The following PIEZO1 variants were observed in gnomAD, a reference collection of about 807,000 sequenced individuals.
The protein encoded by PIEZO1 is piezo-type mechanosensitive ion channel component 1.
PIEZO1 carries 296 observed loss-of-function variants against 297.2 expected under a neutral mutation model. The observed-to-expected ratio is 1.00, with a 90% CI of 0.91 to 1.10. The LOEUF (loss-of-function observed/expected upper bound fraction) is 1.10, where lower values mean the gene tolerates loss of function less well. Among genes scored for constraint, PIEZO1 ranks in the 50% least tolerant of loss-of-function variants. PIEZO1 has a pLI of 0.00. For synonymous variants in PIEZO1, 2,427 were observed against 1,507.5 expected, an observed-to-expected ratio of 1.61 and a Z score of -14.13; for missense variants, 5,018 against 3,455.5, an observed-to-expected ratio of 1.45 and a Z score of -11.34.
At chr16:88,752,023 G>A (rs1431801659) in intron 1 of PIEZO1, among the ~76,000 whole-genome samples, 1 of 152,264 alleles carries the variant, frequency 6.6e-6, no homozygotes, top group East Asian at 1.9e-4. Context: ...TCCTGGGGAT[G>A]AAGGTCACCA....
intron 19 of PIEZO1, 67 bp downstream of exon 19, chr16:88,733,211 G>C (rs77151968): frequency 7.1e-7 from 1 of 1,407,410 alleles, no homozygotes; most frequent in African/African-American, 1.4e-5. Context: ...GCTGCCCCAG[G>C]AGGGTCGGGC....
intron 35 of PIEZO1, 28 bp downstream of exon 35, chr16:88,722,555 C>G: frequency 6.8e-7 from 1 of 1,477,618 alleles, no homozygotes; most frequent in Non-Finnish European, 9.0e-7. Flanking sequence ...GGGGCAGCAG[C>G]TGGGGCTCGG....
rs943633234 is a variant in PIEZO1, at chr16:88,721,236, C to T, written c.5598G>A (p.Thr1866=). 8.4e-6 allele frequency: 13 copies of T among 1,540,740 alleles called. No individual in the cohort carries two copies. The East Asian group carries it at 1.2e-4, about 14-fold the overall frequency. The change falls in exon 39 of 51, where the codon ACG becomes ACA. Residue 1866 remains threonine (T), a synonymous_variant. Transcript: ENST00000301015. ...EPQVELRPRD[T]RRISLRFRRR... The stretch of plus-strand genomic sequence containing the variant: ...TTCTAAAACGTAGACTGATGCGCCT[C>T]GTATCACGGGGCCTGAGCTCCACTT...
chr16:88,743,263 T>G (rs1045942279), intron 2 of PIEZO1: 2 of 456,490 alleles, frequency 4.4e-6, no homozygotes, highest in Non-Finnish European at 8.8e-6. Flanking sequence ...GGCGCACATG[T>G]GGACAGCTCA....
chr16:88,726,555 T>A lies in PIEZO1; in HGVS notation c.3788A>T (p.Tyr1263Phe). 1.3e-6 allele frequency: 2 copies of A among 1,549,936 alleles called. No individual in the cohort carries two copies. The highest frequency in any genetic ancestry group is 1.7e-6 in the Non-Finnish European group (2 of 1,146,662). ...LFSLVCTVKG[Y>F]YDPKEMMDRD... ...CCGTCCTGGCCACTCACGGTCATAG[T>A]AGCCCTTGACGGTGCATACAAGGCT... is the stretch of plus-strand genomic sequence containing the variant. The change falls in exon 26 of 51, where the codon TAC (tyrosine) becomes TTC (phenylalanine). Residue 1263 changes from tyrosine (Y) to phenylalanine (F), a missense_variant. Transcript: ENST00000301015.
intron 24 of PIEZO1, 37 bp downstream of exon 24, chr16:88,727,002 C>T: frequency 1.9e-6 from 3 of 1,548,858 alleles, no homozygotes; most frequent in Non-Finnish European, 2.6e-6. Context: ...GCCACCCCTC[C>T]CAGAAGGTTC....
chr16:88,736,042 CCTT>C, intron 12 of PIEZO1, 103 bp downstream of exon 12: 1 of 1,160,776 alleles, frequency 8.6e-7, no homozygotes, highest in East Asian at 2.6e-5. Flanking sequence ...GACACATCTG[CCTT>C]CTTGGCGCTG....
In PIEZO1 at chr16:88,732,664, C is replaced by T; in HGVS notation, c.2733G>A (p.Val911=). ...ISQSLLYRGP[V]DPANWFGVRK... ...GCACCCCAAACCAGTTGGCAGGGTC[C>T]ACGGGCCCCCGGTACAGCAGGGACT... Residue 911 remains valine (V), a synonymous_variant, in exon 20 of 51, where the codon GTG becomes GTA. Coordinates refer to ENST00000301015, the MANE Select transcript of PIEZO1 (RefSeq NM_001142864.4). 6.5e-7 allele frequency: 1 copy of T among 1,549,724 alleles called. No homozygotes were observed. Among genetic ancestry groups the T allele is most frequent in the Non-Finnish European group, 8.7e-7 (1 of 1,146,538 alleles).
Position 88,741,466 on chromosome 16 carries a change from A to G in PIEZO1, c.465+12T>C, listed in dbSNP as rs565648376. The G allele has an allele frequency of 5.2e-6, 8 of 1,531,800 alleles. No individual in the cohort carries two copies. The South Asian group carries it at 9.5e-5, about 18-fold the overall frequency. 94.9% of individuals were successfully genotyped at this position (1,531,800 alleles called of 1,614,324 possible). On this transcript the variant is annotated intron_variant, in intron 5 of 50. Transcript: ENST00000301015. ...GACCTCCCTGACACACGGGTGACGC[A>G]GCTGCCCTCACCAGCTCCCGTGGAT...
intron 1 of PIEZO1, among the ~76,000 whole-genome samples, chr16:88,751,231 G>C (rs1166566092): frequency 6.6e-6 from 1 of 152,204 alleles, no homozygotes; most frequent in South Asian, 2.1e-4. Context: ...GCGCAGGGCA[G>C]AGGGAGACCC....
chr16:88,721,705 G>C lies in PIEZO1; in HGVS notation c.5236C>G (p.Leu1746Val). The C allele has an allele frequency of 1.9e-6, 3 of 1,546,174 alleles. No individual in the cohort carries two copies. Among genetic ancestry groups the C allele is most frequent in the South Asian group, 1.2e-5 (1 of 83,944 alleles). Residue 1746 changes from leucine (L) to valine (V), a missense_variant, in exon 38 of 51, where the codon CTG becomes GTG. Leu to Val is a conservative substitution (Grantham distance 32, BLOSUM62 1). Transcript: ENST00000301015. Reference protein sequence around the residue: ...FTEIAVVVKYLFQFGFFPWNS... With the variant: ...FTEIAVVVKYVFQFGFFPWNS... ...CAGGGGAAGAACCCAAACTGGAACA[G>C]GTACTTGACGACCACCGCGATCTGT... is the stretch of plus-strand genomic sequence containing the variant.
chr16:88,734,924 T>A lies in PIEZO1; in HGVS notation c.1799A>T (p.Tyr600Phe). The A allele has an allele frequency of 6.4e-7, 1 of 1,550,402 alleles. No homozygotes were observed. Among genetic ancestry groups the A allele is most frequent in the Non-Finnish European group, 8.7e-7 (1 of 1,146,964 alleles). The part of the protein sequence containing the change: ...VVSFAGRLVV[Y>F]KIVYMFLFLL... ...GAAGAGGAACATGTAGACAATCTTG[T>A]AGACCACGAGGCGGCCGGCGAAGCT... Residue 600 changes from tyrosine to phenylalanine, a missense_variant, in exon 14 of 51, where the codon TAC (tyrosine) becomes TTC (phenylalanine). Coordinates refer to ENST00000301015, the MANE Select transcript of PIEZO1 (RefSeq NM_001142864.4).
chr16:88,736,390 G>C lies in PIEZO1; in HGVS notation c.1315C>G (p.His439Asp), dbSNP rs953528045. 6.5e-7 allele frequency: 1 copy of C among 1,549,030 alleles called. No homozygotes were observed. The highest frequency in any genetic ancestry group is 1.4e-5 in the African/African-American group (1 of 72,992). ...AGCAGTACGAAGGTCAGCCAGCTGTGGTAGGTGATGCTCCATACCTGCGCG... is the reference window on the plus strand; with the variant it reads ...AGCAGTACGAAGGTCAGCCAGCTGTCGTAGGTGATGCTCCATACCTGCGCG... ...IAMMVWSITYHSWLTFVLLLW... is the reference protein window; with the variant it reads ...IAMMVWSITYDSWLTFVLLLW... The change falls in exon 12 of 51, where the codon CAC becomes GAC. Residue 439 changes from histidine to aspartate, a missense_variant. Transcript: ENST00000301015.
rs540619953 is a variant in PIEZO1 at position 88,726,701 on chromosome 16, G to T, written c.3699+14C>A. ...GGCCCCAGGGCGGTGGGTGCGGGGG[G>T]GCCGGAGGCTCACCGACAGCATGTT... is the stretch of plus-strand genomic sequence containing the variant. On this transcript the variant is annotated intron_variant, in intron 25 of 50. Transcript: ENST00000301015. 3,394 of 1,547,962 alleles carry T rather than the reference G, an allele frequency of 2.2e-3. 8 individuals carry two copies. Among genetic ancestry groups the T allele is most frequent in the Non-Finnish European group, 2.8e-3 (3,247 of 1,145,192 alleles).
Position 88,715,513 on chromosome 16 carries a change from G to T in PIEZO1, c.*92C>A. The T allele has an allele frequency of 7.6e-7, 1 of 1,316,056 alleles. No homozygotes were observed. The highest frequency in any genetic ancestry group is 2.6e-4 in the Middle Eastern group (1 of 3,910). 81.5% of individuals were successfully genotyped at this position (1,316,056 alleles called of 1,614,324 possible). ...ATCACAGCTGGCGGCCTTGGACGGG[G>T]CAGTGGCTCCCCCGGCCTGAGGAGT... is the stretch of plus-strand genomic sequence containing the variant. On this transcript the variant is annotated 3_prime_UTR_variant, in exon 51 of 51. Coordinates refer to ENST00000301015, the MANE Select transcript of PIEZO1 (RefSeq NM_001142864.4).
chr16:88,780,070 G>C (rs747318553), intron 1 of PIEZO1, among the ~76,000 whole-genome samples: 18 of 152,128 alleles, frequency 1.2e-4, no homozygotes, highest in Non-Finnish European at 2.5e-4. Context: ...TTCAGAGCAA[G>C]ATAGGGTCGG....
chr16:88,752,880 C>T (rs1178464838), intron 1 of PIEZO1, among the ~76,000 whole-genome samples: 20 of 83,824 alleles, frequency 2.4e-4, no homozygotes, highest in Non-Finnish European at 9.5e-5. Flanking sequence ...ATTCATTCAT[C>T]CATTCATCCA....
intron 2 of PIEZO1, chr16:88,743,320 G>C: frequency 2.2e-6 from 1 of 456,108 alleles, no homozygotes; most frequent in South Asian, 1.5e-5. Context: ...ACCGGGTTCT[G>C]AGTCCTGACA....
chr16:88,742,208 A>C (rs1905724825), intron 3 of PIEZO1, 92 bp downstream of exon 3: 1 of 1,500,818 alleles, frequency 6.7e-7, no homozygotes, highest in Non-Finnish European at 8.9e-7. Context: ...AATCAGGCTG[A>C]GTCAACCCCC....
Sources: gnomAD v4.1 joint callset for allele counts (sites outside exome capture counted in the v4.1 genomes callset) on GRCh38, gnomAD v4.1.1 for gene constraint, MANE v1.5 for transcripts, NCBI Gene and HGNC (gene_info 2026-07-23, HGNC 2026-07-21) for gene names.